The following RAB38 variants were observed in gnomAD, a reference collection of about 807,000 sequenced individuals.
RAB38 encodes ras-related protein Rab-38.
A neutral mutation model predicts 18.4 loss-of-function variants in RAB38; 15 were observed. That is an observed-to-expected ratio of 0.82 (90% CI 0.55 to 1.26). The LOEUF is 1.26. Ranked by LOEUF, RAB38 falls within the 50% of genes most tolerant of loss-of-function variation. The pLI is 0.00. For synonymous variants in RAB38, 101 were observed against 104.4 expected (o/e 0.97, Z 0.20); for missense variants, 294 against 267.4 (o/e 1.10, Z -0.69).
the RAB38 span, among the ~76,000 whole-genome samples, chr11:88,050,915 C>G: frequency 6.6e-6 from 1 of 152,110 alleles, no homozygotes; most frequent in African/African-American, 2.4e-5. Flanking sequence ...TGTCTTCCTG[C>G]TGCCTGGCTC....
chr11:87,945,744 G>T, the RAB38 span, among the ~76,000 whole-genome samples: 6 of 152,090 alleles, frequency 3.9e-5, no homozygotes, highest in Non-Finnish European at 8.8e-5. Context: ...ATTCACCTAA[G>T]GTTATGAAAA....
the RAB38 span, among the ~76,000 whole-genome samples, chr11:87,896,496 T>C: frequency 1.3e-5 from 2 of 151,652 alleles, no homozygotes; most frequent in African/African-American, 2.4e-5. Flanking sequence ...TGCTGAGATT[T>C]ATGAGAGAAA....
the RAB38 span, among the ~76,000 whole-genome samples, chr11:87,850,532 C>A: frequency 6.6e-6 from 1 of 152,036 alleles, no homozygotes; most frequent in African/African-American, 2.4e-5. Flanking sequence ...GTACACAAAA[C>A]CCTTTTGGGA....
At chr11:87,922,913 G>A in the RAB38 span, among the ~76,000 whole-genome samples, 5 of 149,782 alleles carry the variant, frequency 3.3e-5, no homozygotes, top group Admixed American at 2.0e-4. Context: ...GAGGAAGGGA[G>A]GGAGGAAAAA....
chr11:88,087,460 G>A, the RAB38 span, among the ~76,000 whole-genome samples: 1 of 152,026 alleles, frequency 6.6e-6, no homozygotes, highest in Admixed American at 6.6e-5. Flanking sequence ...TAGCCAAGGA[G>A]GGTTCTTGGT....
chr11:87,929,212 C>G, the RAB38 span, among the ~76,000 whole-genome samples: 1 of 152,000 alleles, frequency 6.6e-6, no homozygotes, highest in Admixed American at 6.6e-5. Context: ...GGCTTCCTTC[C>G]TGATCTTTTT....
At chr11:87,939,611 A>C in the RAB38 span, among the ~76,000 whole-genome samples, 1 of 152,140 alleles carries the variant, frequency 6.6e-6, no homozygotes, top group East Asian at 1.9e-4. Flanking sequence ...TAATCTCAGA[A>C]CTTTGGGAGG....
the RAB38 span, among the ~76,000 whole-genome samples, chr11:88,071,150 G>A: frequency 1.3e-5 from 2 of 152,020 alleles, no homozygotes; most frequent in African/African-American, 2.4e-5. Flanking sequence ...TGCAGGTTCT[G>A]ATCAGTGCCA....
the RAB38 span, among the ~76,000 whole-genome samples, chr11:87,915,308 A>G: frequency 6.6e-6 from 1 of 152,090 alleles, no homozygotes; most frequent in African/African-American, 2.4e-5. Flanking sequence ...CAGTCACACA[A>G]TGAGATAGGA....
chr11:87,906,614 T>C, the RAB38 span, among the ~76,000 whole-genome samples: 1 of 151,952 alleles, frequency 6.6e-6, no homozygotes, highest in African/African-American at 2.4e-5. Context: ...TAAATGTAAT[T>C]TTAAAATCCA....
chr11:88,013,601 C>T, the RAB38 span, among the ~76,000 whole-genome samples: 2 of 152,070 alleles, frequency 1.3e-5, no homozygotes, highest in Non-Finnish European at 2.9e-5. Flanking sequence ...CAGTGAAACA[C>T]TAAGAGCCCA....
At chr11:88,008,257 A>C in the RAB38 span, among the ~76,000 whole-genome samples, 1 of 152,158 alleles carries the variant, frequency 6.6e-6, no homozygotes, top group Non-Finnish European at 1.5e-5. Context: ...TAACCATAAA[A>C]CACAAAAGAG....
the RAB38 span, chr11:87,817,469 G>A: frequency 1.3e-5 from 2 of 152,064 alleles, no homozygotes; most frequent in Admixed American, 6.6e-5. Context: ...TTGATAAATC[G>A]ATACTAACTT....
chr11:88,035,594 C>A, the RAB38 span, among the ~76,000 whole-genome samples: 1 of 152,272 alleles, frequency 6.6e-6, no homozygotes, highest in African/African-American at 2.4e-5. Context: ...CAAGAAGAGT[C>A]CAGCATGGGA....
At chr11:88,024,828 G>T in the RAB38 span, among the ~76,000 whole-genome samples, 2 of 152,052 alleles carry the variant, frequency 1.3e-5, no homozygotes, top group African/African-American at 4.8e-5. Flanking sequence ...AACTCATGGA[G>T]ATACAGAATA....
the RAB38 span, among the ~76,000 whole-genome samples, chr11:88,080,551 A>G: frequency 6.6e-6 from 1 of 151,866 alleles, no homozygotes; most frequent in Non-Finnish European, 1.5e-5. Context: ...AGATTCTAAC[A>G]TTTAAATAGA....
the RAB38 span, among the ~76,000 whole-genome samples, chr11:88,024,880 G>C: frequency 2.7e-5 from 4 of 150,640 alleles, 1 homozygote; most frequent in South Asian, 8.5e-4. Flanking sequence ...GTGTGGGGTG[G>C]GGTGGAGATG....
chr11:87,948,490 G>A, the RAB38 span, among the ~76,000 whole-genome samples: 1 of 151,796 alleles, frequency 6.6e-6, no homozygotes, highest in Non-Finnish European at 1.5e-5. Flanking sequence ...CAAAGGGAAT[G>A]CTTCCAGTTT....
chr11:88,092,376 GAGAGAGAGAGAGAGAGAGAGAGAGAGAGA>G, the RAB38 span, among the ~76,000 whole-genome samples: 1 of 24,982 alleles, frequency 4.0e-5, no homozygotes, highest in African/African-American at 1.3e-4. Flanking sequence ...GAGAGAGAGA[GAGAGAGAGAGAGAGAGAGAGAGAGAGAGA>G]GAGAGAGAGA....
Sources: gnomAD v4.1 joint callset for allele counts (sites outside exome capture counted in the v4.1 genomes callset) on GRCh38, gnomAD v4.1.1 for gene constraint, MANE v1.5 for transcripts, NCBI Gene and HGNC (gene_info 2026-07-23, HGNC 2026-07-21) for gene names.